OR2L5: variants seen among roughly 807,000 people sequenced by gnomAD.
The protein encoded by OR2L5 is olfactory receptor 2L5.
For synonymous variants in OR2L5, 169 were observed against 142.0 expected (o/e 1.19, Z -1.35); for missense variants, 413 against 381.6 (o/e 1.08, Z -0.69).
chr1:248,015,927 C>T (rs1209358755), intron 1 of OR2L5, among the ~76,000 whole-genome samples: 2 of 152,020 alleles, frequency 1.3e-5, no homozygotes, highest in South Asian at 2.1e-4. Flanking sequence ...CAGTGAGTGC[C>T]CCAAGGGAAA....
intron 1 of OR2L5, 62 bp from the exon 2 acceptor site, chr1:248,021,865 A>T: frequency 8.9e-7 from 1 of 1,129,574 alleles, no homozygotes; most frequent in Non-Finnish European, 1.3e-6. Flanking sequence ...AGGCCTTGGA[A>T]TGCAACCCCT....
Position 248,022,809 on chromosome 1 carries a change from A to C in OR2L5, c.862A>C (p.Ile288Leu). 1 of 1,613,440 alleles carries C rather than the reference A, an allele frequency of 6.2e-7. No individual in the cohort carries two copies. Among genetic ancestry groups the C allele is most frequent in the South Asian group, 1.1e-5 (1 of 91,062 alleles). ...CCTCACCCCAATGCTCAACCCCATC[A>C]TCTACAGCCTGAGAAACAAGGAGGT... ...TILTPMLNPI[I>L]YSLRNKEVMG... Residue 288 changes from isoleucine (I) to leucine (L), a missense_variant, in exon 2 of 2, where the codon ATC becomes CTC. Coordinates refer to ENST00000355281, the MANE Select transcript of OR2L5 (RefSeq NM_001258284.2).
At chr1:248,018,600 A>C (rs1255233533) in intron 1 of OR2L5, among the ~76,000 whole-genome samples, 1 of 152,234 alleles carries the variant, frequency 6.6e-6, no homozygotes, top group Admixed American at 6.5e-5. Context: ...GGAATTCCAA[A>C]TATGGAATAA....
Position 248,021,960 on chromosome 1 carries a change from A to G in OR2L5, c.13A>G (p.Asn5Asp). MENY[N>D]QTSTDFILLG... ...GTATGAATGCCCCATGGAAAATTACAATCAAACGTCAACTGATTTCATCTT... is the reference window on the plus strand; with the variant it reads ...GTATGAATGCCCCATGGAAAATTACGATCAAACGTCAACTGATTTCATCTT... Residue 5 changes from asparagine (N) to aspartate (D), a missense_variant, in exon 2 of 2, where the codon AAT becomes GAT. Transcript: ENST00000355281. 8 of 1,612,714 alleles carry G rather than the reference A, an allele frequency of 5.0e-6. No individual in the cohort carries two copies. Among genetic ancestry groups the G allele is most frequent in the Non-Finnish European group, 6.8e-6 (8 of 1,179,128 alleles).
In OR2L5 at chr1:248,017,564, C is replaced by T. The variant is rs550662188; in HGVS notation, c.-22+3826C>T. ...CTTAGCTGAGGGGAAGCAGGACAGG[C>T]TTCTGCCTTATTGGGAAGTGCTTCC... is the stretch of plus-strand genomic sequence containing the variant. On this transcript the variant is annotated intron_variant, in intron 1 of 1. Transcript: ENST00000355281. Among the ~76,000 whole-genome samples the T allele has an allele frequency of 1.1e-3, 161 of 152,344 alleles. 1 individual carries two copies. Among genetic ancestry groups the T allele is most frequent in the African/African-American group, 3.7e-3 (153 of 41,572 alleles).
Position 248,023,467 on chromosome 1 carries a change from G to T in OR2L5, c.*581G>T, listed in dbSNP as rs1662398474. 1 of 152,188 alleles carries T rather than the reference G, an allele frequency of 6.6e-6. No homozygotes were observed. Among genetic ancestry groups the T allele is most frequent in the Non-Finnish European group, 1.5e-5 (1 of 68,066 alleles). 9.4% of individuals were successfully genotyped at this position (152,188 alleles called of 1,614,324 possible). On this transcript the variant is annotated 3_prime_UTR_variant, in exon 2 of 2. Coordinates refer to ENST00000355281, the MANE Select transcript of OR2L5 (RefSeq NM_001258284.2). Reference sequence around the variant, plus strand: ...CTTCTATAGAACCTCTTAGACTACAGTTGACTTAGACTTAGTTGAATGTGG... The same window carrying T: ...CTTCTATAGAACCTCTTAGACTACATTTGACTTAGACTTAGTTGAATGTGG...
intron 1 of OR2L5, among the ~76,000 whole-genome samples, chr1:248,014,347 C>A (rs1015130048): frequency 9.9e-5 from 15 of 152,044 alleles, no homozygotes; most frequent in Admixed American, 9.2e-4. Flanking sequence ...ATAAAGGACC[C>A]TCTTCTGGCA....
chr1:248,018,791 C>A (rs1662268120), intron 1 of OR2L5, among the ~76,000 whole-genome samples: 1 of 152,182 alleles, frequency 6.6e-6, no homozygotes, highest in African/African-American at 2.4e-5. Context: ...GTTCTCCACA[C>A]AATTATTCTC....
rs1464882108 is a variant in OR2L5 at position 248,023,770 on chromosome 1, CA to C, written c.*886del. 6.6e-6 allele frequency: 1 copy of C among 152,128 alleles called. No homozygotes were observed. The highest frequency in any genetic ancestry group is 2.4e-5 in the African/African-American group (1 of 41,414). The allele number at this position is 152,128 out of a possible 1,614,324, so 9.4% of individuals were successfully genotyped here. A position where few individuals can be genotyped will look rare whatever the true frequency, so the allele number is the denominator to read the frequency against. Reference sequence around the variant, plus strand: ...CTGAGTGAAAGGCCATGGCTCTCCACAAGAGCCCATTCCTGAGAAACGCTTT... The same window carrying C: ...CTGAGTGAAAGGCCATGGCTCTCCACAGAGCCCATTCCTGAGAAACGCTTT... On this transcript the variant is annotated 3_prime_UTR_variant, in exon 2 of 2. Transcript: ENST00000355281.
chr1:248,020,783 TATTTC>T (rs1382408082), intron 1 of OR2L5, among the ~76,000 whole-genome samples: 3 of 151,984 alleles, frequency 2.0e-5, no homozygotes, highest in Admixed American at 1.3e-4. Context: ...AACTTTCATT[TATTTC>T]ATTTCATTTT....
At chr1:248,016,785 G>A (rs917829335) in intron 1 of OR2L5, among the ~76,000 whole-genome samples, 2 of 151,750 alleles carry the variant, frequency 1.3e-5, no homozygotes, top group Admixed American at 6.6e-5. Context: ...ATAAACTTAT[G>A]TATGTATGTG....
Position 248,023,099 on chromosome 1 carries a change from T to G in OR2L5, c.*213T>G. The G allele has an allele frequency of 2.3e-6, 1 of 437,734 alleles. No homozygotes were observed. Among genetic ancestry groups the G allele is most frequent in the Non-Finnish European group, 4.0e-6 (1 of 248,614 alleles). 27.1% of individuals were successfully genotyped at this position (437,734 alleles called of 1,614,324 possible). A position where few individuals can be genotyped will look rare whatever the true frequency, so the allele number is the denominator to read the frequency against. On this transcript the variant is annotated 3_prime_UTR_variant, in exon 2 of 2. Coordinates refer to ENST00000355281, the MANE Select transcript of OR2L5 (RefSeq NM_001258284.2). ...TCTTTTTATCAAAAGACAGATCATATATTTTACACTAAATTGTAAGGCCAT... is the reference window on the plus strand; with the variant it reads ...TCTTTTTATCAAAAGACAGATCATAGATTTTACACTAAATTGTAAGGCCAT...
chr1:248,014,792 C>A (rs1228265659), intron 1 of OR2L5, among the ~76,000 whole-genome samples: 1 of 152,108 alleles, frequency 6.6e-6, no homozygotes, highest in African/African-American at 2.4e-5. Flanking sequence ...GATTATTCCC[C>A]CTGTTGTAAT....
At chr1:248,015,245 A>G (rs1318784150) in intron 1 of OR2L5, among the ~76,000 whole-genome samples, 1 of 152,188 alleles carries the variant, frequency 6.6e-6, no homozygotes, top group African/African-American at 2.4e-5. Flanking sequence ...TCAGTTAAAC[A>G]CAACATTATG....
In OR2L5 at chr1:248,022,396, T is replaced by C. The variant is rs1471120872; in HGVS notation, c.449T>C (p.Ile150Thr). 6 of 1,614,190 alleles carry C rather than the reference T, an allele frequency of 3.7e-6. No individual in the cohort carries two copies. The African/African-American group carries it at 6.7e-5, about 18-fold the overall frequency. ...YVLMITGSWM[I>T]GSINSCAHTV... ...CTGATGATAACAGGATCTTGGATGA[T>C]AGGCTCCATCAACTCTTGTGCTCAC... Residue 150 changes from isoleucine to threonine, a missense_variant, in exon 2 of 2, where the codon ATA (isoleucine) becomes ACA (threonine). Transcript: ENST00000355281.
intron 1 of OR2L5, among the ~76,000 whole-genome samples, chr1:248,020,427 C>T (rs1036567952): frequency 3.3e-5 from 5 of 152,164 alleles, no homozygotes; most frequent in Admixed American, 1.3e-4. Context: ...TATTCACCAA[C>T]AGCAGCCAAG....
Position 248,022,166 on chromosome 1 carries a change from C to T in OR2L5, c.219C>T (p.Ile73=). ...TCTCCCTCATTGACCTAAATTACAT[C>T]TCTACGATTGTTCCTAAGATGGCTT... The part of the protein sequence containing the change: ...SQLSLIDLNY[I]STIVPKMASD... Residue 73 remains isoleucine, a synonymous_variant, in exon 2 of 2, where the codon ATC becomes ATT. Transcript: ENST00000355281. 6.2e-7 allele frequency: 1 copy of T among 1,614,014 alleles called. No individual in the cohort carries two copies. Among genetic ancestry groups the T allele is most frequent in the Non-Finnish European group, 8.5e-7 (1 of 1,179,900 alleles).
intron 1 of OR2L5, among the ~76,000 whole-genome samples, chr1:248,021,352 T>C (rs1405071254): frequency 1.3e-5 from 2 of 152,166 alleles, no homozygotes; most frequent in African/African-American, 2.4e-5. Context: ...TAATTCACAG[T>C]CTAACTAAAC....
chr1:248,021,951 G>A lies in OR2L5; in HGVS notation c.4G>A (p.Glu2Lys). Residue 2 changes from glutamate (E) to lysine (K), a missense_variant, in exon 2 of 2, where the codon GAA becomes AAA. By Grantham distance (56) the Glu-to-Lys change is moderately conservative (BLOSUM62 1). Transcript: ENST00000355281. ...GGAAGGATCGTATGAATGCCCCATG[G>A]AAAATTACAATCAAACGTCAACTGA... The part of the protein sequence containing the change: M[E>K]NYNQTSTDFI... 6.2e-7 allele frequency: 1 copy of A among 1,611,660 alleles called. No individual in the cohort carries two copies. Among genetic ancestry groups the A allele is most frequent in the Non-Finnish European group, 8.5e-7 (1 of 1,178,422 alleles).
Sources: gnomAD v4.1 joint callset for allele counts (sites outside exome capture counted in the v4.1 genomes callset) on GRCh38, gnomAD v4.1.1 for gene constraint, MANE v1.5 for transcripts, NCBI Gene and HGNC (gene_info 2026-07-23, HGNC 2026-07-21) for gene names.